Variants in VLDLR observed in about 807,000 individuals in gnomAD.
VLDLR encodes the protein very low density lipoprotein receptor.
VLDLR carries 81 observed loss-of-function variants against 112.7 expected under a neutral mutation model. The ratio of observed to expected loss-of-function variants is 0.72; its 90% CI spans 0.60 to 0.86. VLDLR has a LOEUF of 0.86. Among genes scored for constraint, VLDLR ranks in the 40% least tolerant of loss-of-function variants. The pLI is 0.00. For synonymous variants in VLDLR, 436 were observed against 384.8 expected, an observed-to-expected ratio of 1.13 and a Z score of -1.56; for missense variants, 1,237 against 1,099.4, an observed-to-expected ratio of 1.13 and a Z score of -1.77.
intron 16 of VLDLR, 149 bp downstream of exon 16, chr9:2,651,647 A>G (rs1818347873): frequency 2.0e-5 from 18 of 903,982 alleles, no homozygotes; most frequent in South Asian, 1.9e-4. Flanking sequence ...AAACTTGCAT[A>G]TCTTTTCCTG....
chr9:2,654,004 C>G lies in VLDLR; in HGVS notation c.*136C>G. ...TCAAGATACCTTTGCGTGGATCAAG[C>G]TTGTGTACTTGACCGTTTTTATATT... On this transcript the variant is annotated 3_prime_UTR_variant, in exon 19 of 19. Coordinates refer to ENST00000382100, the MANE Select transcript of VLDLR (RefSeq NM_003383.5). 1 of 834,976 alleles carries G rather than the reference C, an allele frequency of 1.2e-6. No homozygotes were observed. The highest frequency in any genetic ancestry group is 2.0e-6 in the Non-Finnish European group (1 of 500,720). 51.7% of individuals were successfully genotyped at this position (834,976 alleles called of 1,614,324 possible). A position where few individuals can be genotyped will look rare whatever the true frequency, so the allele number is the denominator to read the frequency against.
chr9:2,631,510 G>A (rs1817348391), intron 1 of VLDLR, among the ~76,000 whole-genome samples: 1 of 152,132 alleles, frequency 6.6e-6, no homozygotes, highest in African/African-American at 2.4e-5. Context: ...GCCATTTGCA[G>A]CAGCATGGGG....
At chr9:2,637,964 T>C (rs1817670216) in intron 2 of VLDLR, among the ~76,000 whole-genome samples, 1 of 151,794 alleles carries the variant, frequency 6.6e-6, no homozygotes, top group Non-Finnish European at 1.5e-5. Flanking sequence ...TAAAAATAAA[T>C]AAAAAATCAA....
At position 2,656,698 on chromosome 9, in the gene VLDLR, A is replaced by G. The variant is rs1387358736; in HGVS notation, c.*2830A>G. 3 of 152,088 alleles carry G rather than the reference A, an allele frequency of 2.0e-5. No homozygotes were observed. Among genetic ancestry groups the G allele is most frequent in the African/African-American group, 7.2e-5 (3 of 41,428 alleles). 9.4% of individuals were successfully genotyped at this position (152,088 alleles called of 1,614,324 possible). ...AGATGAGCCTGTCACACAAAGTGAA[A>G]GTGGACCCTCCAGAAATTTTAGGAA... On this transcript the variant is annotated 3_prime_UTR_variant, in exon 19 of 19. Coordinates refer to ENST00000382100, the MANE Select transcript of VLDLR (RefSeq NM_003383.5).
At chr9:2,644,109 A>G (rs1298066903) in intron 7 of VLDLR, 150 bp downstream of exon 7, 4 of 1,196,434 alleles carry the variant, frequency 3.3e-6, no homozygotes, top group Non-Finnish European at 4.8e-6. Flanking sequence ...TTATGACTTA[A>G]AAGCCCAGGT....
In VLDLR at chr9:2,644,721, A is replaced by G. The variant is rs1354333957; in HGVS notation, c.1067-13A>G. ...AAATAAGTTGTCAAGTGACTACTAC[A>G]TTTTTATTCCAGATATAAACGAATG... On this transcript the variant is annotated splice_polypyrimidine_tract_variant and intron_variant, in intron 7 of 18. Coordinates refer to ENST00000382100, the MANE Select transcript of VLDLR (RefSeq NM_003383.5). 1.9e-6 allele frequency: 3 copies of G among 1,614,014 alleles called. No individual in the cohort carries two copies. The highest frequency in any genetic ancestry group is 4.5e-5 in the East Asian group (2 of 44,888).
rs35624077 is a variant in VLDLR at position 2,656,942 on chromosome 9, CAAAAAAAAAAAAAAAAAAA to C, written c.*3084_*3102del. ...TCTTTAGTTCTTGATGAATACAAGGCAAAAAAAAAAAAAAAAAAAAAAAAAAAATTGAGGCTTTCACTTT... is the reference window on the plus strand; with the variant it reads ...TCTTTAGTTCTTGATGAATACAAGGCAAAAAAAAATTGAGGCTTTCACTTT... On this transcript the variant is annotated 3_prime_UTR_variant, in exon 19 of 19. Coordinates refer to ENST00000382100, the MANE Select transcript of VLDLR (RefSeq NM_003383.5). The C allele has an allele frequency of 7.9e-4, 53 of 67,166 alleles. No individual in the cohort carries two copies. Among genetic ancestry groups the C allele is most frequent in the African/African-American group, 2.5e-3 (51 of 20,702 alleles). 4.2% of individuals were successfully genotyped at this position (67,166 alleles called of 1,614,324 possible). A position where few individuals can be genotyped will look rare whatever the true frequency, so the allele number is the denominator to read the frequency against.
At chr9:2,624,194 C>A (rs1046435045) in intron 1 of VLDLR, among the ~76,000 whole-genome samples, 9 of 152,172 alleles carry the variant, frequency 5.9e-5, no homozygotes, top group Middle Eastern at 3.2e-3. Flanking sequence ...AAATATTTGA[C>A]ATGCCATGAA....
rs1817932810 is a variant in VLDLR at position 2,643,746 on chromosome 9, A to G, written c.939A>G (p.Lys313=). ...ATGGTTCCGATGAAGTCAACTGCAAAAATGGTAAGGGTTTCTTCTTGTTGG... is the reference window on the plus strand; with the variant it reads ...ATGGTTCCGATGAAGTCAACTGCAAGAATGGTAAGGGTTTCTTCTTGTTGG... ...CVDGSDEVNC[K]NVNQCLGPGK... The change falls in exon 6 of 19, where the codon AAA becomes AAG. Residue 313 remains lysine (K), a synonymous_variant. Transcript: ENST00000382100. 18 of 1,614,100 alleles carry G rather than the reference A, an allele frequency of 1.1e-5. No homozygotes were observed. The highest frequency in any genetic ancestry group is 1.4e-5 in the Non-Finnish European group (16 of 1,180,052).
chr9:2,632,460 G>T (rs570753584), intron 1 of VLDLR, among the ~76,000 whole-genome samples: 10 of 152,310 alleles, frequency 6.6e-5, no homozygotes. Flanking sequence ...AGAATTAAAA[G>T]AATCTCGAGT....
Position 2,654,044 on chromosome 9 carries a change from T to A in VLDLR, c.*176T>A, listed in dbSNP as rs2130813635. On this transcript the variant is annotated 3_prime_UTR_variant, in exon 19 of 19. Transcript: ENST00000382100. ...GTTTTTATATTACTTTTGTAAATATTCTTGTCCACATTCTACTTCAGCTTT... is the reference window on the plus strand; with the variant it reads ...GTTTTTATATTACTTTTGTAAATATACTTGTCCACATTCTACTTCAGCTTT... 1 of 637,462 alleles carries A rather than the reference T, an allele frequency of 1.6e-6. No individual in the cohort carries two copies. Among genetic ancestry groups the A allele is most frequent in the East Asian group, 2.9e-5 (1 of 35,032 alleles). 39.5% of individuals were successfully genotyped at this position (637,462 alleles called of 1,614,324 possible). A position where few individuals can be genotyped will look rare whatever the true frequency, so the allele number is the denominator to read the frequency against.
intron 2 of VLDLR, among the ~76,000 whole-genome samples, chr9:2,638,143 A>G (rs1817677496): frequency 6.6e-6 from 1 of 152,182 alleles, no homozygotes; most frequent in Non-Finnish European, 1.5e-5. Context: ...ATTCATTAAC[A>G]TTAGTGTTTG....
chr9:2,623,300 A>T (rs562230549), intron 1 of VLDLR, among the ~76,000 whole-genome samples: 1 of 152,316 alleles, frequency 6.6e-6, no homozygotes, highest in Non-Finnish European at 1.5e-5. Flanking sequence ...GGCGACAGGA[A>T]GCCTTTCTGA....
At chr9:2,644,482 A>G (rs187244738) in intron 7 of VLDLR, among the ~76,000 whole-genome samples, 39 of 152,052 alleles carry the variant, frequency 2.6e-4, no homozygotes, top group African/African-American at 9.4e-4. Context: ...ACTAGTTTAT[A>G]GTTTAACCTC....
chr9:2,635,364 C>T lies in VLDLR; in HGVS notation c.83-89C>T, dbSNP rs1293097182. On this transcript the variant is annotated intron_variant, in intron 1 of 18. Coordinates refer to ENST00000382100, the MANE Select transcript of VLDLR (RefSeq NM_003383.5). The stretch of plus-strand genomic sequence containing the variant: ...TCATAGCCTGCCGAGTCTGCAGTAT[C>T]CTTCTGAGAAGGTCCCCATCCATGG... 2.5e-6 allele frequency: 4 copies of T among 1,599,620 alleles called. No individual in the cohort carries two copies. The East Asian group carries it at 6.7e-5, about 27-fold the overall frequency.
At chr9:2,623,013 G>T (rs955422210) in intron 1 of VLDLR, among the ~76,000 whole-genome samples, 2 of 152,238 alleles carry the variant, frequency 1.3e-5, no homozygotes, top group Non-Finnish European at 2.9e-5. Flanking sequence ...GAACGCGGAG[G>T]GGGAGTGGAG....
At chr9:2,632,790 G>T (rs950355000) in intron 1 of VLDLR, among the ~76,000 whole-genome samples, 2 of 152,262 alleles carry the variant, frequency 1.3e-5, no homozygotes, top group South Asian at 4.2e-4. Context: ...GGGAAGCAGA[G>T]AATTAAACAG....
rs777367729 is a variant in VLDLR at position 2,621,822 on chromosome 9, C to T, written c.-368C>T. On this transcript the variant is annotated 5_prime_UTR_variant, in exon 1 of 19. Transcript: ENST00000382100. ...CCGGCCGCCGCCGGTGCGGGTGCTC[C>T]GCTACCGGCTCCTCTCCGTTCTGTG... 18 of 506,320 alleles carry T rather than the reference C, an allele frequency of 3.6e-5. No homozygotes were observed. The highest frequency in any genetic ancestry group is 3.2e-4 in the African/African-American group (16 of 50,212). 31.4% of individuals were successfully genotyped at this position (506,320 alleles called of 1,614,324 possible).
At chr9:2,622,397 C>A in intron 1 of VLDLR, 126 bp downstream of exon 1, 1 of 794,094 alleles carries the variant, frequency 1.3e-6, no homozygotes, top group Non-Finnish European at 1.8e-6. Flanking sequence ...CCTCGCCTTC[C>A]CTCCCTCCCC....
Sources: allele counts gnomAD v4.1 joint callset (sites outside exome capture counted in the v4.1 genomes callset), GRCh38; gene constraint gnomAD v4.1.1; transcripts MANE v1.5; gene names NCBI Gene and HGNC (gene_info 2026-07-23, HGNC 2026-07-21).